ALG9: variants seen among roughly 807,000 people sequenced by gnomAD.
ALG9 encodes the protein alpha-1,2-mannosyltransferase ALG9.
Under a neutral mutation model 81.8 loss-of-function variants are expected in ALG9, and 55 were observed. The ratio of observed to expected loss-of-function variants is 0.67; its 90% CI spans 0.54 to 0.84. The LOEUF is 0.84. Among genes scored for constraint, ALG9 ranks in the 40% least tolerant of loss-of-function variants. The probability of loss-of-function intolerance (pLI) is 0.00; values close to 1 mark genes in which losing one functional copy is unlikely to be tolerated. For missense variants in ALG9, 629 were observed against 745.0 expected (o/e 0.84, Z 1.81); for synonymous variants, 278 against 274.3 (o/e 1.01, Z -0.13).
At chr11:111,856,456 T>C (rs574492543) in intron 6 of ALG9, among the ~76,000 whole-genome samples, 4 of 151,564 alleles carry the variant, frequency 2.6e-5, no homozygotes, top group Admixed American at 6.6e-5. Context: ...TACAGAATAA[T>C]TCCATTTGTT....
chr11:111,854,296 G>T (rs1273185414), intron 6 of ALG9, among the ~76,000 whole-genome samples: 1 of 131,336 alleles, frequency 7.6e-6, no homozygotes, highest in Non-Finnish European at 1.6e-5. Flanking sequence ...TTGAGACAGA[G>T]TCTCACTCTG....
downstream of ALG9, among the ~76,000 whole-genome samples, chr11:111,781,868 A>G (rs527953088): frequency 6.6e-5 from 10 of 151,982 alleles, no homozygotes; most frequent in Non-Finnish European, 1.3e-4. Context: ...CTGGTCTCGA[A>G]CTCCTGACCT....
chr11:111,856,887 A>G (rs1437432067), intron 6 of ALG9, among the ~76,000 whole-genome samples: 2 of 152,144 alleles, frequency 1.3e-5, no homozygotes, highest in Admixed American at 6.5e-5. Flanking sequence ...TGAGCGGATC[A>G]CCTGAGGTCG....
At chr11:111,805,408 C>A in intron 14 of ALG9, 1 of 444,010 alleles carries the variant, frequency 2.3e-6, no homozygotes. Flanking sequence ...AACTTGGAAG[C>A]AACCAAAGAT....
chr11:111,843,674 A>C (rs1461551618), intron 9 of ALG9, among the ~76,000 whole-genome samples: 1 of 152,236 alleles, frequency 6.6e-6, no homozygotes, highest in African/African-American at 2.4e-5. Context: ...TCTGTCTTCC[A>C]TAAAAGAAAT....
chr11:111,841,718 C>A (rs556530464), intron 9 of ALG9, among the ~76,000 whole-genome samples: 1 of 152,318 alleles, frequency 6.6e-6, no homozygotes, highest in South Asian at 2.1e-4. Context: ...TCCACTTTAG[C>A]TATGCCTAAT....
chr11:111,838,775 C>A (rs1310348945), intron 10 of ALG9, among the ~76,000 whole-genome samples: 1 of 151,788 alleles, frequency 6.6e-6, no homozygotes, highest in Non-Finnish European at 1.5e-5. Flanking sequence ...AAGTTTTTAT[C>A]AAAGCTATTA....
intron 13 of ALG9, among the ~76,000 whole-genome samples, chr11:111,833,322 T>G (rs1276274174): frequency 6.6e-6 from 1 of 152,210 alleles, no homozygotes; most frequent in African/African-American, 2.4e-5. Flanking sequence ...TTGGCAATCT[T>G]GGCATGTACC....
chr11:111,816,590 T>C (rs1951516084), intron 13 of ALG9, among the ~76,000 whole-genome samples: 1 of 151,428 alleles, frequency 6.6e-6, no homozygotes, highest in Non-Finnish European at 1.5e-5. Flanking sequence ...AGGGTCTCAA[T>C]CTGTTGCCCA....
At chr11:111,824,595 T>C (rs1397924151) in intron 13 of ALG9, among the ~76,000 whole-genome samples, 1 of 152,228 alleles carries the variant, frequency 6.6e-6, no homozygotes, top group Admixed American at 6.5e-5. Flanking sequence ...AAGTTAATTT[T>C]CAATTATCCA....
intron 2 of ALG9, 30 bp downstream of exon 2, chr11:111,870,202 C>A: frequency 6.2e-7 from 1 of 1,600,302 alleles, no homozygotes; most frequent in Non-Finnish European, 8.5e-7. Context: ...AAATCAAGAA[C>A]AAAAAGAGAA....
chr11:111,820,064 A>C (rs1952091015), intron 13 of ALG9, among the ~76,000 whole-genome samples: 5 of 152,254 alleles, frequency 3.3e-5, no homozygotes, highest in African/African-American at 1.2e-4. Flanking sequence ...ATATCGTAAT[A>C]AATCTACTAA....
At chr11:111,823,567 C>A (rs1952768641) in intron 13 of ALG9, among the ~76,000 whole-genome samples, 1 of 152,156 alleles carries the variant, frequency 6.6e-6, no homozygotes, top group Admixed American at 6.5e-5. Context: ...TGTCAAGGAG[C>A]TATTTAAAGC....
At chr11:111,799,186 C>T (rs1948734752) in intron 14 of ALG9, among the ~76,000 whole-genome samples, 1 of 152,162 alleles carries the variant, frequency 6.6e-6, no homozygotes, top group Admixed American at 6.6e-5. Context: ...CTCGCTCTGT[C>T]ACCAGGCTGG....
chr11:111,806,511 T>C (rs749005945), intron 14 of ALG9, among the ~76,000 whole-genome samples: 12 of 152,302 alleles, frequency 7.9e-5, no homozygotes, highest in South Asian at 2.1e-4. Context: ...TACTCTCCTC[T>C]CCTGGGTTTC....
At chr11:111,826,883 A>G (rs1953405639) in intron 13 of ALG9, among the ~76,000 whole-genome samples, 1 of 151,646 alleles carries the variant, frequency 6.6e-6, no homozygotes, top group South Asian at 2.1e-4. Flanking sequence ...TCTATTTTCT[A>G]TCTCTTTGTT....
intron 14 of ALG9, among the ~76,000 whole-genome samples, chr11:111,794,437 C>G (rs886164812): frequency 6.6e-6 from 1 of 152,066 alleles, no homozygotes. Flanking sequence ...TATGTGCCAC[C>G]ACACCCAGCT....
intron 3 of ALG9, 115 bp downstream of exon 3, chr11:111,868,487 T>C (rs1485003367): frequency 2.3e-6 from 3 of 1,305,632 alleles, no homozygotes; most frequent in East Asian, 4.7e-5. Flanking sequence ...TAAATGATTC[T>C]TCTTCAAAAA....
At chr11:111,768,666 G>A in the ALG9 span, 2 of 152,084 alleles carry the variant, frequency 1.3e-5, no homozygotes, top group Admixed American at 6.6e-5. Flanking sequence ...GTGTGTGTGT[G>A]TGTGTGTGTT....
Sources: gnomAD v4.1 joint callset for allele counts (sites outside exome capture counted in the v4.1 genomes callset) on GRCh38, gnomAD v4.1.1 for gene constraint, MANE v1.5 for transcripts, NCBI Gene and HGNC (gene_info 2026-07-23, HGNC 2026-07-21) for gene names.